CNTNAP2: variants seen among roughly 807,000 people sequenced by gnomAD.
CNTNAP2 encodes contactin associated protein 2.
CNTNAP2 carries 98 observed loss-of-function variants against 155.2 expected under a neutral mutation model. That is an observed-to-expected ratio of 0.63 (90% CI 0.54 to 0.75). CNTNAP2 has a LOEUF of 0.75. Ranked by LOEUF, CNTNAP2 falls within the 30% of genes least tolerant of loss-of-function variation. CNTNAP2 has a pLI of 0.00. For missense variants in CNTNAP2, 1,727 were observed against 1,688.1 expected (o/e 1.02, Z -0.40); for synonymous variants, 651 against 631.2 (o/e 1.03, Z -0.47).
chr7:147,588,980 G>A (rs1800687785), intron 12 of CNTNAP2, among the ~76,000 whole-genome samples: 1 of 152,182 alleles, frequency 6.6e-6, no homozygotes, highest in Non-Finnish European at 1.5e-5. Context: ...ACTTCATGGA[G>A]AGGGTGATTG....
At chr7:147,933,112 C>G (rs1416685716) in intron 14 of CNTNAP2, among the ~76,000 whole-genome samples, 1 of 151,766 alleles carries the variant, frequency 6.6e-6, no homozygotes, top group Non-Finnish European at 1.5e-5. Flanking sequence ...CAGAATCTTG[C>G]TCTGTCTCCC....
intron 10 of CNTNAP2, among the ~76,000 whole-genome samples, chr7:147,417,983 A>G (rs2116501974): frequency 6.6e-6 from 1 of 152,334 alleles, no homozygotes; most frequent in Non-Finnish European, 1.5e-5. Context: ...ACATAGTGAA[A>G]TAAGAGTTAA....
chr7:146,714,866 C>A (rs892381915), intron 1 of CNTNAP2, among the ~76,000 whole-genome samples: 1 of 151,992 alleles, frequency 6.6e-6, no homozygotes, highest in Admixed American at 6.6e-5. Context: ...CGTTCTGGGC[C>A]CTAGGTCTAG....
chr7:147,332,628 C>G lies in CNTNAP2; in HGVS notation c.1498+32338C>G, dbSNP rs572336956. On this transcript the variant is annotated intron_variant, in intron 9 of 23. Coordinates refer to ENST00000361727, the MANE Select transcript of CNTNAP2 (RefSeq NM_014141.6). ...CCTGTAATCCCAGCACTTTGGGAGA[C>G]CAAGACAGGATAATCACAAACTCTG... Among the ~76,000 whole-genome samples the G allele has an allele frequency of 7.2e-5, 11 of 152,206 alleles. No homozygotes were observed. In the South Asian group the frequency reaches 2.1e-3, roughly 29 times the overall value.
intron 22 of CNTNAP2, among the ~76,000 whole-genome samples, chr7:148,395,077 C>T (rs909762971): frequency 6.6e-6 from 1 of 151,656 alleles, no homozygotes; most frequent in Non-Finnish European, 1.5e-5. Flanking sequence ...AATTTAATTT[C>T]CATTCCCTTT....
At chr7:146,345,174 G>C (rs1173123079) in intron 1 of CNTNAP2, among the ~76,000 whole-genome samples, 1 of 152,156 alleles carries the variant, frequency 6.6e-6, no homozygotes, top group African/African-American at 2.4e-5. Flanking sequence ...TAGATAATAA[G>C]ATATAAAATT....
chr7:148,120,768 C>A (rs940047333), intron 16 of CNTNAP2, among the ~76,000 whole-genome samples: 1 of 152,124 alleles, frequency 6.6e-6, no homozygotes, highest in African/African-American at 2.4e-5. Flanking sequence ...TCTAATCTTC[C>A]CTCAGAGCCC....
intron 1 of CNTNAP2, among the ~76,000 whole-genome samples, chr7:146,468,214 AT>A (rs1292387689): frequency 6.6e-6 from 1 of 152,176 alleles, no homozygotes; most frequent in East Asian, 1.9e-4. Flanking sequence ...AAAGACCGTG[AT>A]CCCCCACTTG....
intron 8 of CNTNAP2, among the ~76,000 whole-genome samples, chr7:147,270,592 A>C (rs1437198102): frequency 6.6e-6 from 1 of 152,202 alleles, no homozygotes; most frequent in Non-Finnish European, 1.5e-5. Context: ...GCCACCCACC[A>C]GGCCACACAA....
chr7:146,255,758 C>G (rs1799827594), intron 1 of CNTNAP2, among the ~76,000 whole-genome samples: 1 of 152,134 alleles, frequency 6.6e-6, no homozygotes, highest in South Asian at 2.1e-4. Flanking sequence ...TGGGCACAGA[C>G]TATGAGATAG....
At chr7:146,286,436 C>T (rs1419939999) in intron 1 of CNTNAP2, among the ~76,000 whole-genome samples, 1 of 152,140 alleles carries the variant, frequency 6.6e-6, no homozygotes, top group Non-Finnish European at 1.5e-5. Flanking sequence ...CACACTAAGT[C>T]TTTGCAATAG....
At chr7:146,982,847 A>G (rs749841548) in intron 3 of CNTNAP2, among the ~76,000 whole-genome samples, 1 of 152,202 alleles carries the variant, frequency 6.6e-6, no homozygotes, top group Non-Finnish European at 1.5e-5. Flanking sequence ...TTGAAAATAA[A>G]TGCCCATTTC....
intron 1 of CNTNAP2, among the ~76,000 whole-genome samples, chr7:146,516,820 T>C (rs1797548439): frequency 6.6e-6 from 1 of 151,988 alleles, no homozygotes; most frequent in Non-Finnish European, 1.5e-5. Context: ...CAGTATTTTA[T>C]TGGCTATAAA....
chr7:146,959,144 C>G (rs1170941468), intron 3 of CNTNAP2, among the ~76,000 whole-genome samples: 3 of 152,032 alleles, frequency 2.0e-5, no homozygotes, highest in South Asian at 2.1e-4. Flanking sequence ...CTCAGCCTGC[C>G]GAGTAACTGG....
chr7:148,090,300 TC>T (rs1803814201), intron 15 of CNTNAP2, among the ~76,000 whole-genome samples: 1 of 151,806 alleles, frequency 6.6e-6, no homozygotes, highest in Non-Finnish European at 1.5e-5. Context: ...AAGGAAACAA[TC>T]CAACAGACTG....
chr7:148,061,396 C>A (rs117646350), intron 15 of CNTNAP2, among the ~76,000 whole-genome samples: 6,148 of 151,848 alleles, frequency 0.04, 159 homozygotes, highest in Non-Finnish European at 0.056. Flanking sequence ...TTCTGTCACC[C>A]ATGCTGTAGT....
At chr7:146,365,306 C>G (rs187531075) in intron 1 of CNTNAP2, among the ~76,000 whole-genome samples, 9 of 152,214 alleles carry the variant, frequency 5.9e-5, no homozygotes, top group African/African-American at 1.9e-4. Context: ...TCAGCAGGGC[C>G]CACAGGATTG....
intron 22 of CNTNAP2, among the ~76,000 whole-genome samples, chr7:148,385,975 C>T (rs538876275): frequency 1.7e-4 from 26 of 152,160 alleles, no homozygotes; most frequent in African/African-American, 5.5e-4. Flanking sequence ...GTGATCCACC[C>T]GCCTAGGCCT....
chr7:147,395,540 A>G, intron 9 of CNTNAP2, 69 bp from the exon 10 acceptor site: 1 of 1,479,398 alleles, frequency 6.8e-7, no homozygotes, highest in Non-Finnish European at 9.4e-7. Flanking sequence ...CAGGTAGAAT[A>G]CCCACAAGAA....
Sources: allele counts gnomAD v4.1 joint callset (sites outside exome capture counted in the v4.1 genomes callset), GRCh38; gene constraint gnomAD v4.1.1; transcripts MANE v1.5; gene names NCBI Gene and HGNC (gene_info 2026-07-23, HGNC 2026-07-21).